PALM: variants seen among roughly 807,000 people sequenced by gnomAD.
PALM encodes the protein paralemmin, also known as paralemmin-1.
PALM carries 18 observed loss-of-function variants against 30.7 expected under a neutral mutation model. The ratio of observed to expected loss-of-function variants is 0.59; its 90% CI spans 0.41 to 0.87. PALM has a LOEUF of 0.87. Ranked by LOEUF, PALM falls within the 40% of genes least tolerant of loss-of-function variation. The probability of loss-of-function intolerance (pLI) is 0.00; values close to 1 mark genes in which losing one functional copy is unlikely to be tolerated. For synonymous variants in PALM, 286 were observed against 242.8 expected (o/e 1.18, Z -1.66); for missense variants, 529 against 555.4 (o/e 0.95, Z 0.48).
chr19:736,935 C>T (rs2033041297), intron 7 of PALM, among the ~76,000 whole-genome samples: 1 of 152,238 alleles, frequency 6.6e-6, no homozygotes, highest in Non-Finnish European at 1.5e-5. Context: ...CGCCTGTAAT[C>T]CCAGCTACTC....
intron 8 of PALM, among the ~76,000 whole-genome samples, chr19:743,342 AT>A (rs1410727859): frequency 2.0e-5 from 3 of 151,430 alleles, no homozygotes; most frequent in Admixed American, 6.6e-5. Context: ...GTCCCTGGGG[AT>A]TCCAGACCTG....
At position 709,244 on chromosome 19, in the gene PALM, C is replaced by T; in HGVS notation, c.5+93C>T. Reference sequence around the variant, plus strand: ...CCCCTCTCTCGCGCCCCATTGGGGGCGTCGCTGCCCCCGCGAGGAGCAGGA... The same window carrying T: ...CCCCTCTCTCGCGCCCCATTGGGGGTGTCGCTGCCCCCGCGAGGAGCAGGA... On this transcript the variant is annotated intron_variant, in intron 1 of 8. Coordinates refer to ENST00000338448, the MANE Select transcript of PALM (RefSeq NM_002579.3). This position sits in a 1 kb window ranked among gnomAD's most constrained non-coding sequence, Gnocchi z 4.3. The T allele has an allele frequency of 3.5e-6, 1 of 282,352 alleles. No homozygotes were observed. The highest frequency in any genetic ancestry group is 5.5e-5 in the East Asian group (1 of 18,066). The allele number at this position is 282,352 out of a possible 1,614,324, so 17.5% of individuals were successfully genotyped here.
In PALM at chr19:729,058, G is replaced by A. The variant is rs372700277; in HGVS notation, c.269+1364G>A. ...GCATGGACATGCTGGGCGTGGGTGG[G>A]GCTCACACCTGTAATGCCAGCACTT... On this transcript the variant is annotated intron_variant, in intron 4 of 8. Coordinates refer to ENST00000338448, the MANE Select transcript of PALM (RefSeq NM_002579.3). 6.6e-5 allele frequency among the ~76,000 whole-genome samples: 10 copies of A among 152,034 alleles called. No homozygotes were observed. In the East Asian group the frequency reaches 7.8e-4, roughly 12 times the overall value.
intron 1 of PALM, among the ~76,000 whole-genome samples, chr19:715,591 A>G (rs2032230318): frequency 6.6e-6 from 1 of 152,212 alleles, no homozygotes; most frequent in Non-Finnish European, 1.5e-5. Flanking sequence ...GCATTGGAAG[A>G]AGAGAATGCT....
intron 4 of PALM, among the ~76,000 whole-genome samples, chr19:729,951 G>A (rs1037692962): frequency 2.0e-5 from 3 of 152,172 alleles, no homozygotes; most frequent in African/African-American, 7.2e-5. Flanking sequence ...TTCTTTTCAC[G>A]CGGCCCTAGT....
In PALM at chr19:746,560, G is replaced by C. The variant is rs1287333432; in HGVS notation, c.910G>C (p.Gly304Arg). 3 of 1,613,432 alleles carry C rather than the reference G, an allele frequency of 1.9e-6. No individual in the cohort carries two copies. Among genetic ancestry groups the C allele is most frequent in the Non-Finnish European group, 2.5e-6 (3 of 1,179,910 alleles). ...GCCCCCGGTCACAATGATCTTCATG[G>C]GTTACCAGAACGTGGAGGATGAGGC... Reference protein sequence around the residue: ...QEPPVTMIFMGYQNVEDEAET... With the variant: ...QEPPVTMIFMRYQNVEDEAET... The change falls in exon 9 of 9, where the codon GGT (glycine) becomes CGT (arginine). Residue 304 changes from glycine (G) to arginine (R), a missense_variant. Gly to Arg is a moderately radical substitution (Grantham distance 125, BLOSUM62 -2). Transcript: ENST00000338448. The surrounding 1 kb of genome is among the most constrained non-coding windows in gnomAD (Gnocchi z 7.1).
At chr19:728,220 G>T (rs57806474) in intron 4 of PALM, among the ~76,000 whole-genome samples, 1 of 152,202 alleles carries the variant, frequency 6.6e-6, no homozygotes, top group Non-Finnish European at 1.5e-5. Context: ...CAATCCCTGT[G>T]GGGGCTGGGA....
chr19:738,361 G>C (rs1185321812), intron 7 of PALM, among the ~76,000 whole-genome samples: 2 of 151,994 alleles, frequency 1.3e-5, no homozygotes, highest in East Asian at 1.9e-4. Context: ...CCTGTCTCTA[G>C]TAAAAATACA....
At chr19:735,953 T>C in intron 6 of PALM, 66 bp from the exon 7 acceptor site, 1 of 1,387,392 alleles carries the variant, frequency 7.2e-7, no homozygotes, top group South Asian at 1.2e-5. Flanking sequence ...CGTTGGGCTG[T>C]CTGGGGGGTC....
rs760290054 is a variant in PALM at position 740,804 on chromosome 19, G to A, written c.634+321G>A. Among the ~76,000 whole-genome samples, 10 of 152,114 alleles carry A rather than the reference G, an allele frequency of 6.6e-5. No homozygotes were observed. The East Asian group carries it at 1.4e-3, about 21-fold the overall frequency. Reference sequence around the variant, plus strand: ...TTCTGTCCTTGCCGGGTGGCAAACCGGGCCCTTCCATCTGGAGCTCCTAAA... The same window carrying A: ...TTCTGTCCTTGCCGGGTGGCAAACCAGGCCCTTCCATCTGGAGCTCCTAAA... On this transcript the variant is annotated intron_variant, in intron 8 of 8. Coordinates refer to ENST00000338448, the MANE Select transcript of PALM (RefSeq NM_002579.3).
At chr19:724,262 A>G (rs2032588011) in intron 1 of PALM, among the ~76,000 whole-genome samples, 1 of 152,136 alleles carries the variant, frequency 6.6e-6, no homozygotes, top group Non-Finnish European at 1.5e-5. Context: ...GTATCTTTGA[A>G]GCCTGAAGCC....
At chr19:740,962 C>G (rs2033168224) in intron 8 of PALM, among the ~76,000 whole-genome samples, 1 of 144,062 alleles carries the variant, frequency 6.9e-6, no homozygotes, top group East Asian at 2.1e-4. Context: ...AAGGCTCCGT[C>G]TCTACCAAAA....
Position 746,448 on chromosome 19 carries a change from C to T in PALM, c.798C>T (p.Thr266=). 1 of 1,609,260 alleles carries T rather than the reference C, an allele frequency of 6.2e-7. No individual in the cohort carries two copies. The highest frequency in any genetic ancestry group is 8.5e-7 in the Non-Finnish European group (1 of 1,177,756). ...TRGAVEGAAR[T]TPSRREITGV... is the part of the protein sequence containing the mutation. ...GGGCTGTGGAGGGGGCAGCCCGGAC[C>T]ACGCCCTCCCGGCGGGAGATCACCG... Residue 266 remains threonine (T), a synonymous_variant, in exon 9 of 9, where the codon ACC becomes ACT. Transcript: ENST00000338448. The surrounding 1 kb of genome is among the most constrained non-coding windows in gnomAD (Gnocchi z 7.1).
rs2033215953 is a variant in PALM, at chr19:742,275, C to T, written c.634+1792C>T. On this transcript the variant is annotated intron_variant, in intron 8 of 8. Coordinates refer to ENST00000338448, the MANE Select transcript of PALM (RefSeq NM_002579.3). The surrounding 1 kb of genome is among the most constrained non-coding windows in gnomAD (Gnocchi z 5.5). Reference sequence around the variant, plus strand: ...CTGGCACCCACGCATCCCCTCCTGTCTCTCTGGATTGGCCTGTCCTGGACA... The same window carrying T: ...CTGGCACCCACGCATCCCCTCCTGTTTCTCTGGATTGGCCTGTCCTGGACA... Among the ~76,000 whole-genome samples the T allele has an allele frequency of 6.6e-6, 1 of 152,112 alleles. No homozygotes were observed. Among genetic ancestry groups the T allele is most frequent in the African/African-American group, 2.4e-5 (1 of 41,438 alleles).
In PALM at chr19:709,383, G is replaced by A. The variant is rs868171826; in HGVS notation, c.5+232G>A. Among the ~76,000 whole-genome samples the A allele has an allele frequency of 4.3e-4, 65 of 151,668 alleles. No homozygotes were observed. The highest frequency in any genetic ancestry group is 1.5e-3 in the African/African-American group (61 of 41,456). ...CCCGGCTGCCCACCCACCGGCGCGT[G>A]GGGACCCGGGCAGCGGCGGCTCGGG... On this transcript the variant is annotated intron_variant, in intron 1 of 8. Coordinates refer to ENST00000338448, the MANE Select transcript of PALM (RefSeq NM_002579.3). This position sits in a 1 kb window ranked among gnomAD's most constrained non-coding sequence, Gnocchi z 4.3.
At chr19:736,709 G>T (rs532194635) in intron 7 of PALM, among the ~76,000 whole-genome samples, 1 of 152,324 alleles carries the variant, frequency 6.6e-6, no homozygotes, top group Admixed American at 6.5e-5. Context: ...AGAAATCGTC[G>T]CAGTGGGCAA....
chr19:712,825 G>A (rs1488432869), intron 1 of PALM, among the ~76,000 whole-genome samples: 7 of 151,994 alleles, frequency 4.6e-5, no homozygotes, highest in Admixed American at 6.6e-5. Context: ...ACAGGTGCCT[G>A]CCACCACGCC....
At chr19:738,883 C>G (rs2033103465) in intron 7 of PALM, among the ~76,000 whole-genome samples, 1 of 152,176 alleles carries the variant, frequency 6.6e-6, no homozygotes, top group African/African-American at 2.4e-5. Flanking sequence ...GGACATGCAG[C>G]TATCTGGGGG....
Position 746,406 on chromosome 19 carries a change from G to T in PALM, c.756G>T (p.Gly252=). Residue 252 remains glycine (G), a synonymous_variant, in exon 9 of 9, where the codon GGG becomes GGT. Coordinates refer to ENST00000338448, the MANE Select transcript of PALM (RefSeq NM_002579.3). This position sits in a 1 kb window ranked among gnomAD's most constrained non-coding sequence, Gnocchi z 7.1. ...TGAGCGAGGCAGGGTCCACGGCCGGGGCGGCAGAGACCCGGGGGGCTGTGG... is the reference window on the plus strand; with the variant it reads ...TGAGCGAGGCAGGGTCCACGGCCGGTGCGGCAGAGACCCGGGGGGCTGTGG... ...VTLSEAGSTA[G]AAETRGAVEG... is the part of the protein sequence containing the mutation. The T allele has an allele frequency of 1.9e-6, 3 of 1,612,476 alleles. No homozygotes were observed. The highest frequency in any genetic ancestry group is 2.2e-5 in the East Asian group (1 of 44,840).
Sources: allele counts gnomAD v4.1 joint callset (sites outside exome capture counted in the v4.1 genomes callset), GRCh38; gene constraint gnomAD v4.1.1; non-coding constraint Gnocchi (gnomAD v3.1); transcripts MANE v1.5; gene names NCBI Gene and HGNC (gene_info 2026-07-23, HGNC 2026-07-21).